The following PRUNE2 variants were observed in gnomAD, a reference collection of about 807,000 sequenced individuals.
The protein encoded by PRUNE2 is prune homolog 2 with BCH domain.
In PRUNE2, 164 loss-of-function variants were observed where a neutral mutation model predicts 252.0. That is an observed-to-expected ratio of 0.65 (90% CI 0.57 to 0.74). The LOEUF is 0.74. Among genes scored for constraint, PRUNE2 ranks in the 30% least tolerant of loss-of-function variants. The probability of loss-of-function intolerance (pLI) is 0.00; values close to 1 mark genes in which losing one functional copy is unlikely to be tolerated. For missense variants in PRUNE2, 3,495 were observed against 3,711.0 expected (o/e 0.94, Z 1.51); for synonymous variants, 1,292 against 1,350.2 (o/e 0.96, Z 0.94).
chr9:76,774,458 T>TTTATTTA (rs2053499577), intron 6 of PRUNE2, among the ~76,000 whole-genome samples: 2 of 33,294 alleles, frequency 6.0e-5, no homozygotes, highest in Non-Finnish European at 5.1e-5. Flanking sequence ...CCCTTTTTTT[T>TTTATTTA]TTTTTTTTTT....
At chr9:76,789,699 G>A (rs2055370243) in intron 6 of PRUNE2, among the ~76,000 whole-genome samples, 1 of 152,188 alleles carries the variant, frequency 6.6e-6, no homozygotes, top group Non-Finnish European at 1.5e-5. Flanking sequence ...CAGGGCTATG[G>A]TCAGTGAGGA....
intron 6 of PRUNE2, among the ~76,000 whole-genome samples, chr9:76,796,630 T>C (rs1000000129): frequency 5.3e-5 from 8 of 152,218 alleles, no homozygotes; most frequent in Non-Finnish European, 1.2e-4. Flanking sequence ...CTAATTGTCA[T>C]AGTTAATTTT....
At chr9:76,786,427 C>T (rs1450466057) in intron 6 of PRUNE2, 1 of 152,478 alleles carries the variant, frequency 6.6e-6, no homozygotes, top group Non-Finnish European at 1.5e-5. Flanking sequence ...ACAGCAGGAC[C>T]CAACGCATGT....
At chr9:76,866,845 G>C (rs1196958103) in intron 1 of PRUNE2, among the ~76,000 whole-genome samples, 1 of 152,014 alleles carries the variant, frequency 6.6e-6, no homozygotes. Context: ...GAAGTTAAGA[G>C]GGAGAGAGGG....
intron 6 of PRUNE2, among the ~76,000 whole-genome samples, chr9:76,756,856 C>G (rs545858697): frequency 5.5e-4 from 84 of 152,004 alleles, no homozygotes; most frequent in African/African-American, 2.0e-3. Context: ...TGCCCTGCCC[C>G]CCCGTGATAC....
intron 15 of PRUNE2, among the ~76,000 whole-genome samples, chr9:76,629,920 T>C (rs1265713205): frequency 6.6e-6 from 1 of 152,216 alleles, no homozygotes; most frequent in Non-Finnish European, 1.5e-5. Flanking sequence ...CCTAGTGAGG[T>C]AGACACTATT....
At chr9:76,766,261 G>A (rs898652817) in intron 6 of PRUNE2, among the ~76,000 whole-genome samples, 4 of 151,350 alleles carry the variant, frequency 2.6e-5, no homozygotes, top group South Asian at 2.1e-4. Context: ...CTAGCTTCAA[G>A]CAGAAAAGAC....
chr9:76,665,930 C>T (rs1252055327), intron 9 of PRUNE2, among the ~76,000 whole-genome samples: 1 of 152,114 alleles, frequency 6.6e-6, no homozygotes, highest in Non-Finnish European at 1.5e-5. Flanking sequence ...AAGAATTATA[C>T]TAGATCTAGA....
At chr9:76,645,132 T>C (rs1180336344) in intron 11 of PRUNE2, 2 of 457,030 alleles carry the variant, frequency 4.4e-6, no homozygotes, top group Non-Finnish European at 7.8e-6. Context: ...CTTCTTTTAT[T>C]AACTGAACAA....
intron 1 of PRUNE2, among the ~76,000 whole-genome samples, chr9:76,874,445 A>C (rs1220325167): frequency 1.3e-5 from 2 of 152,216 alleles, no homozygotes; most frequent in African/African-American, 2.4e-5. Flanking sequence ...AACCCAAAAG[A>C]AGCAATTATC....
chr9:76,760,166 C>G (rs2130703957), intron 6 of PRUNE2: 1 of 152,396 alleles, frequency 6.6e-6, no homozygotes, highest in East Asian at 1.9e-4. Flanking sequence ...CCCTGGGTAC[C>G]TGGCAGTTGG....
At chr9:76,702,621 A>ATGAATGAATGAATGAG (rs2045981075) in intron 9 of PRUNE2, among the ~76,000 whole-genome samples, 1 of 152,176 alleles carries the variant, frequency 6.6e-6, no homozygotes, top group Non-Finnish European at 1.5e-5. Context: ...GAATGAATGA[A>ATGAATGAATGAATGAG]TGAATGAATC....
Position 76,613,372 on chromosome 9 carries a change from A to C in PRUNE2, c.*1198T>G, listed in dbSNP as rs1828031287. ...GCTCAGCTCTGCGGCTGTAGTGTGA[A>C]AGTAGCTGTAGACAGTACAAAAACA... On this transcript the variant is annotated 3_prime_UTR_variant, in exon 19 of 19. Transcript: ENST00000376718. 6.6e-6 allele frequency: 1 copy of C among 152,228 alleles called. No homozygotes were observed. The highest frequency in any genetic ancestry group is 2.1e-4 in the South Asian group (1 of 4,830). 9.4% of individuals were successfully genotyped at this position (152,228 alleles called of 1,614,324 possible).
chr9:76,662,307 T>G (rs562910902), intron 9 of PRUNE2, among the ~76,000 whole-genome samples: 13 of 152,338 alleles, frequency 8.5e-5, no homozygotes, highest in South Asian at 4.1e-4. Flanking sequence ...AGTCTCCAAT[T>G]TGAGAATGAA....
chr9:76,815,198 G>A (rs2057605945), intron 6 of PRUNE2, among the ~76,000 whole-genome samples: 2 of 152,180 alleles, frequency 1.3e-5, no homozygotes, highest in South Asian at 4.1e-4. Context: ...TTTCAGGAGA[G>A]GAGGAAGATC....
intron 6 of PRUNE2, among the ~76,000 whole-genome samples, chr9:76,797,061 C>A (rs1193999029): frequency 6.8e-6 from 1 of 146,612 alleles, no homozygotes; most frequent in African/African-American, 2.7e-5. Flanking sequence ...AAGCATTTAA[C>A]AGTGTTACTA....
At chr9:76,896,771 TCGGTCA>T (rs2062848770) in intron 1 of PRUNE2, among the ~76,000 whole-genome samples, 1 of 152,026 alleles carries the variant, frequency 6.6e-6, no homozygotes, top group East Asian at 1.9e-4. Context: ...CCCCCTGACA[TCGGTCA>T]ATCCATCAAA....
intron 6 of PRUNE2, among the ~76,000 whole-genome samples, chr9:76,741,744 T>C (rs1332853715): frequency 6.6e-6 from 1 of 152,130 alleles, no homozygotes; most frequent in African/African-American, 2.4e-5. Context: ...CTATAAAATC[T>C]CCAGCAAGCC....
intron 9 of PRUNE2, among the ~76,000 whole-genome samples, chr9:76,691,228 A>C (rs2044689262): frequency 6.6e-6 from 1 of 152,170 alleles, no homozygotes; most frequent in South Asian, 2.1e-4. Flanking sequence ...AGTTCACATC[A>C]AAGAGGGGGC....
Sources: allele counts gnomAD v4.1 joint callset (sites outside exome capture counted in the v4.1 genomes callset), GRCh38; gene constraint gnomAD v4.1.1; transcripts MANE v1.5; gene names NCBI Gene and HGNC (gene_info 2026-07-23, HGNC 2026-07-21).